Variants in PRKG1 observed in about 807,000 individuals in gnomAD.
PRKG1 encodes cGMP-dependent protein kinase 1.
Under a neutral mutation model 88.1 loss-of-function variants are expected in PRKG1, and 35 were observed. The ratio of observed to expected loss-of-function variants is 0.40; its 90% CI spans 0.30 to 0.53. The LOEUF (loss-of-function observed/expected upper bound fraction) is 0.53. Among genes scored for constraint, PRKG1 ranks in the 20% least tolerant of loss-of-function variants. PRKG1 has a pLI of 0.59. For synonymous variants in PRKG1, 303 were observed against 292.5 expected (o/e 1.04, Z -0.37); for missense variants, 540 against 839.8 (o/e 0.64, Z 4.41).
At chr10:51,149,307 T>C (rs1459692822) in intron 1 of PRKG1, among the ~76,000 whole-genome samples, 1 of 152,174 alleles carries the variant, frequency 6.6e-6, no homozygotes, top group Non-Finnish European at 1.5e-5. Flanking sequence ...TAATGTAGAA[T>C]ATCCTTTTAT....
chr10:51,525,437 G>A (rs772116952), intron 3 of PRKG1, among the ~76,000 whole-genome samples: 12 of 152,172 alleles, frequency 7.9e-5, no homozygotes, highest in Non-Finnish European at 1.8e-4. Flanking sequence ...AGTGGCTCAC[G>A]CCTGTAATCC....
intron 17 of PRKG1, among the ~76,000 whole-genome samples, chr10:52,290,859 T>TA (rs1398899397): frequency 6.6e-6 from 1 of 150,572 alleles, no homozygotes; most frequent in Admixed American, 6.6e-5. Context: ...ACCCTGTCTC[T>TA]AAAAAAAGAA....
At chr10:51,160,653 C>T (rs1846335049) in intron 2 of PRKG1, among the ~76,000 whole-genome samples, 1 of 152,104 alleles carries the variant, frequency 6.6e-6, no homozygotes, top group African/African-American at 2.4e-5. Context: ...ACCTCGTGAT[C>T]TTAATTTTCA....
intron 1 of PRKG1, among the ~76,000 whole-genome samples, chr10:51,023,778 A>G (rs1843168295): frequency 6.6e-6 from 1 of 152,184 alleles, no homozygotes; most frequent in African/African-American, 2.4e-5. Context: ...GTCTTACCAA[A>G]CTATCTTTAG....
At chr10:51,001,976 A>G (rs912303109) in intron 1 of PRKG1, among the ~76,000 whole-genome samples, 21 of 152,032 alleles carry the variant, frequency 1.4e-4, no homozygotes, top group Non-Finnish European at 1.9e-4. Flanking sequence ...TCCAGTTAGT[A>G]GTGGTTTTGG....
chr10:51,476,981 T>G (rs1396701162), intron 3 of PRKG1, among the ~76,000 whole-genome samples: 1 of 151,994 alleles, frequency 6.6e-6, no homozygotes, highest in Admixed American at 6.6e-5. Flanking sequence ...ATACTACAAT[T>G]GCATAGGTGA....
intron 3 of PRKG1, among the ~76,000 whole-genome samples, chr10:51,682,581 G>A (rs2132372928): frequency 6.6e-6 from 1 of 152,200 alleles, no homozygotes. Context: ...TTGGTTGGTT[G>A]GTTGTTTTTT....
At chr10:52,123,316 A>G (rs1049525489) in intron 7 of PRKG1, among the ~76,000 whole-genome samples, 1 of 152,184 alleles carries the variant, frequency 6.6e-6, no homozygotes, top group African/African-American at 2.4e-5. Context: ...GAATGGAAAT[A>G]TCCAATCACA....
At chr10:51,917,539 C>T (rs1842369353) in intron 5 of PRKG1, among the ~76,000 whole-genome samples, 1 of 152,028 alleles carries the variant, frequency 6.6e-6, no homozygotes, top group African/African-American at 2.4e-5. Flanking sequence ...AACTTTTGGG[C>T]TTATAAGAAG....
intron 3 of PRKG1, among the ~76,000 whole-genome samples, chr10:51,485,929 C>A (rs1346356811): frequency 6.6e-6 from 1 of 152,092 alleles, no homozygotes; most frequent in Admixed American, 6.6e-5. Flanking sequence ...CTCTCCCCAG[C>A]CATAGGCAAC....
At chr10:52,177,709 G>C (rs1046091905) in intron 9 of PRKG1, among the ~76,000 whole-genome samples, 4 of 151,814 alleles carry the variant, frequency 2.6e-5, no homozygotes, top group East Asian at 3.9e-4. Context: ...AAATTTTGGG[G>C]CTTTCAATCT....
chr10:51,464,636 A>T (rs1159531907), intron 2 of PRKG1, among the ~76,000 whole-genome samples: 2 of 152,012 alleles, frequency 1.3e-5, no homozygotes, highest in Admixed American at 1.3e-4. Flanking sequence ...TCACGCCTGT[A>T]ATCCCAGCAC....
intron 5 of PRKG1, among the ~76,000 whole-genome samples, chr10:52,037,721 A>T (rs933130903): frequency 6.6e-6 from 1 of 152,182 alleles, no homozygotes; most frequent in African/African-American, 2.4e-5. Flanking sequence ...ACTGTAAGCC[A>T]GACCAGGTGT....
At chr10:51,282,532 C>T (rs931155299) in intron 2 of PRKG1, among the ~76,000 whole-genome samples, 1 of 152,116 alleles carries the variant, frequency 6.6e-6, no homozygotes, top group African/African-American at 2.4e-5. Context: ...GGAAAGCAAA[C>T]AACTGGAGAC....
At chr10:52,273,925 T>G (rs1841798750) in intron 12 of PRKG1, among the ~76,000 whole-genome samples, 1 of 152,100 alleles carries the variant, frequency 6.6e-6, no homozygotes, top group African/African-American at 2.4e-5. Context: ...AAGTTAATAT[T>G]TTAATCTGTG....
At chr10:51,549,051 C>G (rs907956450) in intron 3 of PRKG1, among the ~76,000 whole-genome samples, 2 of 147,494 alleles carry the variant, frequency 1.4e-5, no homozygotes, top group Non-Finnish European at 3.0e-5. Flanking sequence ...ATAGGTGGTT[C>G]TTTTTGTCCT....
chr10:52,181,808 C>T (rs1839040678), intron 9 of PRKG1, among the ~76,000 whole-genome samples: 1 of 37,354 alleles, frequency 2.7e-5, no homozygotes, highest in Non-Finnish European at 5.1e-5. Context: ...GTATATGTGC[C>T]ACATTTTCTT....
chr10:51,813,332 A>G (rs1436769505), intron 4 of PRKG1, among the ~76,000 whole-genome samples: 2 of 152,226 alleles, frequency 1.3e-5, no homozygotes, highest in Admixed American at 6.5e-5. Flanking sequence ...CCAAAACTTC[A>G]GTTACATTTG....
chr10:52,233,991 A>G (rs1464446486), intron 9 of PRKG1, among the ~76,000 whole-genome samples: 2 of 151,984 alleles, frequency 1.3e-5, no homozygotes, highest in East Asian at 3.9e-4. Flanking sequence ...TGCCTCCTCA[A>G]GTGGGTCCCT....
Sources: gnomAD v4.1 joint callset for allele counts (sites outside exome capture counted in the v4.1 genomes callset) on GRCh38, gnomAD v4.1.1 for gene constraint, MANE v1.5 for transcripts, NCBI Gene and HGNC (gene_info 2026-07-23, HGNC 2026-07-21) for gene names.